SCP2: variants seen among roughly 807,000 people sequenced by gnomAD.
SCP2 encodes SCP-2/3-oxoacyl-CoA thiolase.
Under a neutral mutation model 71.4 loss-of-function variants are expected in SCP2, and 48 were observed. The ratio of observed to expected loss-of-function variants is 0.67; its 90% CI spans 0.53 to 0.86. SCP2 has a LOEUF of 0.86. Among genes scored for constraint, SCP2 ranks in the 40% least tolerant of loss-of-function variants. The pLI is 0.00. For missense variants in SCP2, 560 were observed against 655.6 expected, an observed-to-expected ratio of 0.85 and a Z score of 1.59; for synonymous variants, 220 against 218.1, an observed-to-expected ratio of 1.01 and a Z score of -0.08.
intron 5 of SCP2, among the ~76,000 whole-genome samples, chr1:52,955,209 A>G (rs939711977): frequency 1.3e-5 from 2 of 152,242 alleles, no homozygotes; most frequent in African/African-American, 4.8e-5. Flanking sequence ...GAAATCCTAA[A>G]GGTATTGAAG....
chr1:52,939,968 C>T (rs1572051364), intron 1 of SCP2, among the ~76,000 whole-genome samples: 1 of 152,284 alleles, frequency 6.6e-6, no homozygotes, highest in East Asian at 1.9e-4. Flanking sequence ...CCATGCCCAA[C>T]CTGTACATGT....
intron 2 of SCP2, 36 bp downstream of exon 2, chr1:52,941,889 G>T: frequency 1.4e-6 from 2 of 1,450,818 alleles, no homozygotes; most frequent in Non-Finnish European, 1.9e-6. Context: ...AACATTCATA[G>T]TTTATTATGT....
At chr1:53,035,676 T>C (rs1268079648) in intron 13 of SCP2, among the ~76,000 whole-genome samples, 1 of 151,904 alleles carries the variant, frequency 6.6e-6, no homozygotes, top group East Asian at 1.9e-4. Flanking sequence ...GTAAAGTGTA[T>C]TATAAAGCTA....
rs72897396 is a variant in SCP2 at position 52,954,429 on chromosome 1, G to A, written c.332-311G>A. Reference sequence around the variant, plus strand: ...TATTTATTTAGAGACAGAATTTCTGGGCTCAAGTGACCTCCTGCCTCAGCC... The same window carrying A: ...TATTTATTTAGAGACAGAATTTCTGAGCTCAAGTGACCTCCTGCCTCAGCC... On this transcript the variant is annotated intron_variant, in intron 4 of 15. Coordinates refer to ENST00000371514, the MANE Select transcript of SCP2 (RefSeq NM_002979.5). Among the ~76,000 whole-genome samples, 2,699 of 152,014 alleles carry A rather than the reference G, an allele frequency of 0.018. 83 individuals carry two copies. The highest frequency in any genetic ancestry group is 0.061 in the African/African-American group (2,531 of 41,452).
At chr1:52,995,610 A>G in intron 11 of SCP2, 1 of 556,054 alleles carries the variant, frequency 1.8e-6, no homozygotes, top group Non-Finnish European at 3.5e-6. Context: ...CAAGAACATA[A>G]TGAGACCCCT....
intron 10 of SCP2, 113 bp downstream of exon 10, chr1:52,980,656 C>A: frequency 9.2e-7 from 1 of 1,082,858 alleles, no homozygotes; most frequent in African/African-American, 1.6e-5. Flanking sequence ...TTGGCTCTGC[C>A]ACACTGTGGG....
intron 11 of SCP2, among the ~76,000 whole-genome samples, chr1:52,992,367 C>G (rs897234512): frequency 1.3e-5 from 2 of 152,118 alleles, no homozygotes; most frequent in African/African-American, 4.8e-5. Context: ...TCTCTGACCC[C>G]AGAAAGATCA....
chr1:53,013,446 A>AAAAAAT lies in SCP2; in HGVS notation c.1082-1444_1082-1443insAAAAAT, dbSNP rs1254410578. Among the ~76,000 whole-genome samples, 190 of 109,908 alleles carry AAAAAAT rather than the reference A, an allele frequency of 1.7e-3. 2 individuals are homozygous for AAAAAAT. Among genetic ancestry groups the AAAAAAT allele is most frequent in the South Asian group, 4.6e-3 (15 of 3,294 alleles). The allele number at this position is 109,908 out of a possible 152,430, so 72.1% of individuals were successfully genotyped here. A position where few individuals can be genotyped will look rare whatever the true frequency, so the allele number is the denominator to read the frequency against. On this transcript the variant is annotated intron_variant, in intron 11 of 15. Transcript: ENST00000371514. ...TAAAAAAAAAAAAAAAAAAAAAAAA[A>AAAAAAT]TAGCTGGGAGTGGTGGCGCATGCCT...
At chr1:52,951,872 A>G (rs1242314) in intron 4 of SCP2, among the ~76,000 whole-genome samples, 100,216 of 151,776 alleles carry the variant, frequency 0.66, 34,701 homozygotes, top group African/African-American at 0.85. Flanking sequence ...ACCTACCACC[A>G]TGCCTGGCTA....
chr1:52,946,392 C>G (rs1442785611), intron 2 of SCP2, among the ~76,000 whole-genome samples: 1 of 151,786 alleles, frequency 6.6e-6, no homozygotes, highest in Non-Finnish European at 1.5e-5. Flanking sequence ...CCACACCTGG[C>G]TAATTTTTAT....
intron 12 of SCP2, among the ~76,000 whole-genome samples, chr1:53,020,676 T>C (rs957007486): frequency 6.6e-6 from 1 of 152,134 alleles, no homozygotes; most frequent in Non-Finnish European, 1.5e-5. Flanking sequence ...TTTAGTACAG[T>C]ATGGGGAACA....
rs938253058 is a variant in SCP2, at chr1:52,959,336, C to T, written c.397-2167C>T. ...TCAGCCTCCCGAGTAGCTGGGATTA[C>T]GGGCATGCGCCACCACGCCCTGCTA... On this transcript the variant is annotated intron_variant, in intron 5 of 15. Coordinates refer to ENST00000371514, the MANE Select transcript of SCP2 (RefSeq NM_002979.5). Among the ~76,000 whole-genome samples, 9 of 151,886 alleles carry T rather than the reference C, an allele frequency of 5.9e-5. No individual in the cohort carries two copies. The East Asian group carries it at 1.2e-3, about 20-fold the overall frequency.
intron 12 of SCP2, among the ~76,000 whole-genome samples, chr1:53,015,955 T>C (rs1661308304): frequency 6.6e-6 from 1 of 152,228 alleles, no homozygotes; most frequent in Non-Finnish European, 1.5e-5. Context: ...ATTGGCTCCC[T>C]TTTTTCTTTT....
chr1:52,997,317 T>C (rs145847041), intron 11 of SCP2, among the ~76,000 whole-genome samples: 2,366 of 152,232 alleles, frequency 0.016, 71 homozygotes, highest in African/African-American at 0.054. Context: ...TACAGGCACC[T>C]GCCACCATGC....
At chr1:52,995,626 A>G (rs1355183012) in intron 11 of SCP2, 1 of 593,046 alleles carries the variant, frequency 1.7e-6, no homozygotes, top group African/African-American at 1.8e-5. Context: ...CCCCTGCCAC[A>G]GCTTATATCT....
intron 14 of SCP2, among the ~76,000 whole-genome samples, chr1:53,039,374 C>G (rs1282892506): frequency 2.0e-5 from 3 of 152,198 alleles, no homozygotes; most frequent in African/African-American, 7.2e-5. Flanking sequence ...TAATAAATGG[C>G]CCCTTTTCAT....
chr1:52,929,485 C>T (rs1476895261), intron 1 of SCP2, among the ~76,000 whole-genome samples: 1 of 151,770 alleles, frequency 6.6e-6, no homozygotes, highest in African/African-American at 2.4e-5. Context: ...TCACTCTGTC[C>T]CCCAGTCTGG....
chr1:52,993,106 G>A, intron 11 of SCP2: 1 of 1,403,688 alleles, frequency 7.1e-7, no homozygotes. Flanking sequence ...TTTGTCTAAG[G>A]CTAGAAAGGT....
chr1:52,978,243 C>T lies in SCP2; in HGVS notation c.701C>T (p.Ala234Val). 6.2e-7 allele frequency: 1 copy of T among 1,613,940 alleles called. No individual in the cohort carries two copies. The highest frequency in any genetic ancestry group is 8.5e-7 in the Non-Finnish European group (1 of 1,179,970). ...CCPTSDGAAA[A>V]ILASEAFVQK... ...CCCACTTCAGATGGTGCTGCAGCAG[C>T]AATTTTGGCCAGTGAAGCATTTGTA... Residue 234 changes from alanine (A) to valine (V), a missense_variant, in exon 9 of 16, where the codon GCA becomes GTA. Coordinates refer to ENST00000371514, the MANE Select transcript of SCP2 (RefSeq NM_002979.5).
Sources: gnomAD v4.1 joint callset for allele counts (sites outside exome capture counted in the v4.1 genomes callset) on GRCh38, gnomAD v4.1.1 for gene constraint, MANE v1.5 for transcripts, NCBI Gene and HGNC (gene_info 2026-07-23, HGNC 2026-07-21) for gene names.